FOXP1: variants seen among roughly 807,000 people sequenced by gnomAD.
FOXP1 encodes forkhead box protein P1.
A neutral mutation model predicts 98.2 loss-of-function variants in FOXP1; 15 were observed. That is an observed-to-expected ratio of 0.15 (90% CI 0.10 to 0.24). FOXP1 has a LOEUF of 0.24. Ranked by LOEUF, FOXP1 falls within the 10% of genes least tolerant of loss-of-function variation. The pLI is 1.00. For missense variants in FOXP1, 633 were observed against 848.5 expected (o/e 0.75, Z 3.15); for synonymous variants, 371 against 314.5 (o/e 1.18, Z -1.90).
intron 2 of FOXP1, among the ~76,000 whole-genome samples, chr3:71,552,621 T>C (rs1212892484): frequency 6.6e-6 from 1 of 151,908 alleles, no homozygotes. Context: ...TAAAGTCAAA[T>C]AGGGACTATG....
chr3:71,104,080 C>G (rs2057221449), intron 7 of FOXP1, among the ~76,000 whole-genome samples: 1 of 152,044 alleles, frequency 6.6e-6, no homozygotes, highest in Non-Finnish European at 1.5e-5. Context: ...GAGTATTTTA[C>G]CACTTTGGGG....
intron 3 of FOXP1, among the ~76,000 whole-genome samples, chr3:71,415,428 T>A (rs1449599648): frequency 6.6e-6 from 1 of 152,226 alleles, no homozygotes; most frequent in Non-Finnish European, 1.5e-5. Flanking sequence ...CATAAAAACA[T>A]GTTTTTTGAA....
intron 11 of FOXP1, among the ~76,000 whole-genome samples, chr3:71,023,630 CCTGTGACT>C (rs1452131438): frequency 3.3e-5 from 5 of 152,162 alleles, no homozygotes. Flanking sequence ...CATTTCCCTG[CCTGTGACT>C]CTGTTATCAT....
chr3:71,367,935 C>A (rs187692737), intron 3 of FOXP1, among the ~76,000 whole-genome samples: 1 of 152,170 alleles, frequency 6.6e-6, no homozygotes, highest in African/African-American at 2.4e-5. Context: ...AACCACAGAA[C>A]ACAAGCAGAT....
chr3:71,318,305 C>T (rs1253266929), intron 4 of FOXP1, among the ~76,000 whole-genome samples: 1 of 152,112 alleles, frequency 6.6e-6, no homozygotes, highest in Non-Finnish European at 1.5e-5. Context: ...TCTGTACCTC[C>T]AGTGACAGGC....
chr3:71,278,419 A>C (rs2071149121), intron 5 of FOXP1, among the ~76,000 whole-genome samples: 1 of 152,196 alleles, frequency 6.6e-6, no homozygotes, highest in African/African-American at 2.4e-5. Context: ...CTGGCTTCCC[A>C]GAAGAAAACC....
intron 10 of FOXP1, among the ~76,000 whole-genome samples, chr3:71,045,954 A>G (rs1439286067): frequency 2.0e-5 from 3 of 152,198 alleles, no homozygotes; most frequent in Admixed American, 6.5e-5. Context: ...CAAATCTACT[A>G]GAGTTCAAAG....
chr3:71,361,219 A>G (rs1012220717), intron 3 of FOXP1, among the ~76,000 whole-genome samples: 1 of 152,220 alleles, frequency 6.6e-6, no homozygotes, highest in Non-Finnish European at 1.5e-5. Flanking sequence ...AACTGCCACT[A>G]AAAGAAAGAT....
rs557937481 is a variant in FOXP1 at position 71,426,919 on chromosome 3, G to A, written c.-168+66507C>T. On this transcript the variant is annotated intron_variant, in intron 3 of 20. Coordinates refer to ENST00000649528, the MANE Select transcript of FOXP1 (RefSeq NM_001349338.3). The stretch of plus-strand genomic sequence containing the variant: ...CTACTAAAAATACAAAAATTAGCCG[G>A]GCATGGTGGTACATGCCTGTAATCC... 3.3e-5 allele frequency among the ~76,000 whole-genome samples: 5 copies of A among 151,884 alleles called. No homozygotes were observed. The South Asian group carries it at 1.0e-3, about 32-fold the overall frequency.
At chr3:71,359,440 A>T (rs1026986033) in intron 3 of FOXP1, among the ~76,000 whole-genome samples, 196 bp from the exon 4 acceptor site, 5 of 152,350 alleles carry the variant, frequency 3.3e-5, no homozygotes, top group Admixed American at 3.3e-4. Flanking sequence ...AACCTGAATT[A>T]CAGGAGGAGG....
At chr3:71,550,457 T>A (rs987913230) in intron 2 of FOXP1, among the ~76,000 whole-genome samples, 8 of 152,224 alleles carry the variant, frequency 5.3e-5, no homozygotes, top group African/African-American at 1.7e-4. Context: ...CACAAACTAA[T>A]ATTTATAAAA....
At chr3:71,094,274 TTTTC>T (rs2056225965) in intron 7 of FOXP1, among the ~76,000 whole-genome samples, 2 of 148,954 alleles carry the variant, frequency 1.3e-5, no homozygotes, top group African/African-American at 2.5e-5. Flanking sequence ...CTTTTTTTTC[TTTTC>T]TTTTTTTTTT....
At position 70,956,732 on chromosome 3, in the gene FOXP1, GTTTTTTTTTTTTTTTTTTTTT is replaced by G. The variant is rs142956636; in HGVS notation, c.*2494_*2514del. Reference sequence around the variant, plus strand: ...GCACATCATGAAGCTGCCTGGAAAAGTTTTTTTTTTTTTTTTTTTTTTTTTTTTTTTTTTTTTTTTTAAAGT... The same window carrying G: ...GCACATCATGAAGCTGCCTGGAAAAGTTTTTTTTTTTTTTTTTTTTAAAGT... On this transcript the variant is annotated 3_prime_UTR_variant, in exon 21 of 21. Coordinates refer to ENST00000649528, the MANE Select transcript of FOXP1 (RefSeq NM_001349338.3). 3.3e-3 allele frequency: 108 copies of G among 32,814 alleles called. 1 individual carries two copies. The highest frequency in any genetic ancestry group is 9.3e-3 in the Admixed American group (19 of 2,038). 2.0% of individuals were successfully genotyped at this position (32,814 alleles called of 1,614,324 possible).
chr3:70,965,653 A>G (rs558173034), intron 20 of FOXP1, among the ~76,000 whole-genome samples: 19 of 152,220 alleles, frequency 1.2e-4, no homozygotes, highest in Non-Finnish European at 2.8e-4. Flanking sequence ...AGGGAAAAAA[A>G]GCAAACCTGT....
chr3:71,281,624 T>C (rs1288823), intron 5 of FOXP1, among the ~76,000 whole-genome samples: 4 of 152,046 alleles, frequency 2.6e-5, no homozygotes, highest in Non-Finnish European at 5.9e-5. Flanking sequence ...CAGTCTCTAC[T>C]TGTAAGTTCT....
At chr3:71,229,223 C>T (rs964391161) in intron 5 of FOXP1, among the ~76,000 whole-genome samples, 1 of 152,140 alleles carries the variant, frequency 6.6e-6, no homozygotes, top group Non-Finnish European at 1.5e-5. Flanking sequence ...ATGATTTGTA[C>T]ATAATCAGAG....
At chr3:71,511,570 A>G (rs1429562485) in intron 2 of FOXP1, among the ~76,000 whole-genome samples, 1 of 152,186 alleles carries the variant, frequency 6.6e-6, no homozygotes, top group African/African-American at 2.4e-5. Context: ...AATGTAGGCA[A>G]GTGCCAATAT....
chr3:71,380,816 C>T (rs1385136232), intron 3 of FOXP1, among the ~76,000 whole-genome samples: 1 of 148,306 alleles, frequency 6.7e-6, no homozygotes, highest in East Asian at 2.1e-4. Flanking sequence ...TCCCCCAAGA[C>T]AGAATGGTTT....
intron 3 of FOXP1, among the ~76,000 whole-genome samples, chr3:71,409,046 T>G (rs1200741155): frequency 1.3e-5 from 2 of 152,242 alleles, no homozygotes; most frequent in Non-Finnish European, 2.9e-5. Context: ...AAGTGCAGAC[T>G]AACGTGCACA....
Sources: allele counts gnomAD v4.1 joint callset (sites outside exome capture counted in the v4.1 genomes callset), GRCh38; gene constraint gnomAD v4.1.1; transcripts MANE v1.5; gene names NCBI Gene and HGNC (gene_info 2026-07-23, HGNC 2026-07-21).